ZMYM4: variants seen among roughly 807,000 people sequenced by gnomAD.
The protein encoded by ZMYM4 is zinc finger MYM-type protein 4.
A neutral mutation model predicts 183.2 loss-of-function variants in ZMYM4; 31 were observed. The ratio of observed to expected loss-of-function variants is 0.17; its 90% CI spans 0.13 to 0.23. The LOEUF is 0.23. ZMYM4 is among the 10% of genes least tolerant of loss of function. The pLI is 1.00. For missense variants in ZMYM4, 1,273 were observed against 1,840.3 expected (o/e 0.69, Z 5.64); for synonymous variants, 592 against 631.2 (o/e 0.94, Z 0.93).
intron 1 of ZMYM4, among the ~76,000 whole-genome samples, chr1:35,321,923 A>G (rs1046571291): frequency 7.9e-5 from 12 of 151,998 alleles, no homozygotes; most frequent in Admixed American, 2.6e-4. Flanking sequence ...AAGCCATATC[A>G]TATGTATACA....
intron 2 of ZMYM4, among the ~76,000 whole-genome samples, chr1:35,337,080 C>T (rs6671953): frequency 0.76 from 116,094 of 152,080 alleles, 48,810 homozygotes; most frequent in Non-Finnish European, 0.97. Flanking sequence ...CTTTCTGGGC[C>T]GGGCACGGTG....
intron 7 of ZMYM4, among the ~76,000 whole-genome samples, chr1:35,374,932 T>C (rs975996083): frequency 2.0e-5 from 3 of 152,224 alleles, no homozygotes; most frequent in Non-Finnish European, 4.4e-5. Flanking sequence ...CTTGATCTTA[T>C]GTAATTCAAT....
Position 35,422,011 on chromosome 1 carries a change from G to A in ZMYM4, c.*2334G>A, listed in dbSNP as rs1640339963. On this transcript the variant is annotated 3_prime_UTR_variant, in exon 30 of 30. Transcript: ENST00000314607. Reference sequence around the variant, plus strand: ...TCTCTTTTTCTGATTGACCTTATTGGTATGACCCAGCAATTAGTAAAATTA... The same window carrying A: ...TCTCTTTTTCTGATTGACCTTATTGATATGACCCAGCAATTAGTAAAATTA... 6.6e-6 allele frequency: 1 copy of A among 151,982 alleles called. No homozygotes were observed. The highest frequency in any genetic ancestry group is 1.5e-5 in the Non-Finnish European group (1 of 67,996). The allele number at this position is 151,982 out of a possible 1,614,324, so 9.4% of individuals were successfully genotyped here.
Position 35,322,763 on chromosome 1 carries a change from C to T in ZMYM4, c.40-2597C>T, listed in dbSNP as rs1406074738. 5.9e-5 allele frequency among the ~76,000 whole-genome samples: 9 copies of T among 152,270 alleles called. No individual in the cohort carries two copies. In the South Asian group the frequency reaches 8.3e-4, roughly 14 times the overall value. ...GGAGTGCAATGGCGTGATCTCGGCTCACTGTAACCTCCGCTTCCCAGGTTC... is the reference window on the plus strand; with the variant it reads ...GGAGTGCAATGGCGTGATCTCGGCTTACTGTAACCTCCGCTTCCCAGGTTC... On this transcript the variant is annotated intron_variant, in intron 1 of 29. Transcript: ENST00000314607.
Position 35,391,817 on chromosome 1 carries a change from C to T in ZMYM4, c.2588-395C>T, listed in dbSNP as rs943368925. On this transcript the variant is annotated intron_variant, in intron 15 of 29. Coordinates refer to ENST00000314607, the MANE Select transcript of ZMYM4 (RefSeq NM_005095.3). ...CAGCACTTTGGGAGGCTGAGGCAGG[C>T]GGATCACGAGGTCAGGAGTTTGAGA... Among the ~76,000 whole-genome samples the T allele has an allele frequency of 7.3e-5, 11 of 151,108 alleles. No individual in the cohort carries two copies. In the East Asian group the frequency reaches 1.8e-3, roughly 24 times the overall value.
chr1:35,381,976 C>T (rs1273558837), intron 9 of ZMYM4, among the ~76,000 whole-genome samples: 3 of 151,922 alleles, frequency 2.0e-5, no homozygotes, highest in South Asian at 2.1e-4. Context: ...GAAACCCCAT[C>T]TCTACTAAAA....
chr1:35,290,323 C>T (rs1010530150), intron 1 of ZMYM4, among the ~76,000 whole-genome samples: 3 of 152,222 alleles, frequency 2.0e-5, no homozygotes, highest in African/African-American at 7.2e-5. Flanking sequence ...GCCATAACTA[C>T]TAATTGTACT....
At chr1:35,325,978 C>T (rs1642485649) in intron 2 of ZMYM4, among the ~76,000 whole-genome samples, 1 of 152,018 alleles carries the variant, frequency 6.6e-6, no homozygotes, top group African/African-American at 2.4e-5. Flanking sequence ...ACTGTTCTTG[C>T]TTTTTTTCAT....
chr1:35,336,553 A>G (rs2148849005), intron 2 of ZMYM4, among the ~76,000 whole-genome samples: 1 of 151,794 alleles, frequency 6.6e-6, no homozygotes, highest in Non-Finnish European at 1.5e-5. Flanking sequence ...TCCCTGGCTA[A>G]TTTTGTATTT....
chr1:35,345,443 A>G (rs994773637), intron 2 of ZMYM4, among the ~76,000 whole-genome samples: 1 of 143,626 alleles, frequency 7.0e-6, no homozygotes, highest in Non-Finnish European at 1.5e-5. Context: ...ATCCTCCACC[A>G]CTCCCCGTAT....
At chr1:35,277,152 C>G (rs1327691924) in intron 1 of ZMYM4, among the ~76,000 whole-genome samples, 1 of 152,038 alleles carries the variant, frequency 6.6e-6, no homozygotes, top group Non-Finnish European at 1.5e-5. Context: ...TTTAGTTATC[C>G]TGATCCCTAG....
chr1:35,282,980 G>GTTTTTTTTTTTTTTTTTTT lies in ZMYM4; in HGVS notation c.39+13913_39+13931dup, dbSNP rs775211352. Among the ~76,000 whole-genome samples the GTTTTTTTTTTTTTTTTTTT allele has an allele frequency of 2.3e-4, 6 of 26,224 alleles. 3 individuals are homozygous for GTTTTTTTTTTTTTTTTTTT. The highest frequency in any genetic ancestry group is 6.9e-4 in the Non-Finnish European group (6 of 8,636). 17.2% of individuals were successfully genotyped at this position (26,224 alleles called of 152,430 possible). ...ATACTTGTTGTTTTCTGTGTGTGTGGTTTTTTTTTTTTTTTTTTTTTTTTT... is the reference window on the plus strand; with the variant it reads ...ATACTTGTTGTTTTCTGTGTGTGTGGTTTTTTTTTTTTTTTTTTTTTTTTTTTTTTTTTTTTTTTTTTTT... On this transcript the variant is annotated intron_variant, in intron 1 of 29. Transcript: ENST00000314607.
At chr1:35,296,827 TTTTCTTTCTTTC>T (rs199637023) in intron 1 of ZMYM4, among the ~76,000 whole-genome samples, 2 of 135,194 alleles carry the variant, frequency 1.5e-5, no homozygotes, top group Non-Finnish European at 3.0e-5. Flanking sequence ...TACCTTTTCT[TTTTCTTTCTTTC>T]TTTCTTTTTT....
intron 1 of ZMYM4, among the ~76,000 whole-genome samples, chr1:35,305,034 T>A (rs1570306838): frequency 6.6e-6 from 1 of 152,044 alleles, no homozygotes; most frequent in African/African-American, 2.4e-5. Context: ...TTAGTAGAGA[T>A]GGGGTTTCAC....
chr1:35,351,709 A>C, intron 2 of ZMYM4: 21 of 441,636 alleles, frequency 4.8e-5, no homozygotes, highest in Middle Eastern at 1.2e-3. Context: ...AAAAACAAAA[A>C]TGTGCAGGAG....
At chr1:35,376,452 A>T (rs1014461747) in intron 7 of ZMYM4, among the ~76,000 whole-genome samples, 1 of 152,200 alleles carries the variant, frequency 6.6e-6, no homozygotes, top group Admixed American at 6.5e-5. Context: ...TTCATGTTAC[A>T]TGTAGTCTGA....
rs1024749124 is a variant in ZMYM4, at chr1:35,352,656, C to T, written c.86-6269C>T. ...TTTTATCAGTCATCTCAGCAGCATT[C>T]ATTATGGTTCAGGCACTCCCTCCTA... On this transcript the variant is annotated intron_variant, in intron 2 of 29. Coordinates refer to ENST00000314607, the MANE Select transcript of ZMYM4 (RefSeq NM_005095.3). 3.3e-5 allele frequency among the ~76,000 whole-genome samples: 5 copies of T among 152,210 alleles called. No individual in the cohort carries two copies. The East Asian group carries it at 7.7e-4, about 23-fold the overall frequency.
chr1:35,402,793 A>C (rs144812773), intron 23 of ZMYM4, among the ~76,000 whole-genome samples: 1 of 152,092 alleles, frequency 6.6e-6, no homozygotes, highest in Admixed American at 6.5e-5. Flanking sequence ...AGGATTTTCT[A>C]CCTAGACAAT....
At chr1:35,403,355 G>A (rs1010265728) in intron 23 of ZMYM4, among the ~76,000 whole-genome samples, 4 of 152,064 alleles carry the variant, frequency 2.6e-5, no homozygotes, top group Non-Finnish European at 5.9e-5. Context: ...GCGCGATCTC[G>A]GCTCACTGTA....
Sources: allele counts gnomAD v4.1 joint callset (sites outside exome capture counted in the v4.1 genomes callset), GRCh38; gene constraint gnomAD v4.1.1; transcripts MANE v1.5; gene names NCBI Gene and HGNC (gene_info 2026-07-23, HGNC 2026-07-21).